The following CHSY3 variants were observed in gnomAD, a reference collection of about 807,000 sequenced individuals.
CHSY3 encodes the protein chondroitin sulfate synthase 3, also known as N-acetylgalactosaminyl-proteoglycan 3-beta-glucuronosyltransferase 3.
A neutral mutation model predicts 67.2 loss-of-function variants in CHSY3; 35 were observed. That is an observed-to-expected ratio of 0.52 (90% confidence interval 0.40 to 0.69). The LOEUF (loss-of-function observed/expected upper bound fraction) is 0.69. Ranked by LOEUF, CHSY3 falls within the 30% of genes least tolerant of loss-of-function variation. The probability of loss-of-function intolerance (pLI) is 0.00; values close to 1 mark genes in which losing one functional copy is unlikely to be tolerated. For missense variants in CHSY3, 1,069 were observed against 1,138.5 expected (o/e 0.94, Z 0.88); for synonymous variants, 474 against 434.7 (o/e 1.09, Z -1.12).
chr5:130,048,414 CTA>C (rs1449707091), intron 2 of CHSY3, among the ~76,000 whole-genome samples: 2 of 151,942 alleles, frequency 1.3e-5, no homozygotes, highest in African/African-American at 4.8e-5. Flanking sequence ...TAGTTTGAAA[CTA>C]TGATTTTCAG....
At chr5:129,989,916 A>G (rs1763310987) in intron 2 of CHSY3, among the ~76,000 whole-genome samples, 1 of 152,186 alleles carries the variant, frequency 6.6e-6, no homozygotes, top group Non-Finnish European at 1.5e-5. Flanking sequence ...ATTGTGTCAT[A>G]CAAGCAATAT....
chr5:130,025,788 T>G (rs1764523984), intron 2 of CHSY3, among the ~76,000 whole-genome samples: 1 of 151,960 alleles, frequency 6.6e-6, no homozygotes, highest in Non-Finnish European at 1.5e-5. Context: ...TGACCTAATC[T>G]CCTCTCAAAG....
At chr5:130,006,368 G>C in intron 2 of CHSY3, among the ~76,000 whole-genome samples, 1 of 152,136 alleles carries the variant, frequency 6.6e-6, no homozygotes, top group Non-Finnish European at 1.5e-5. Context: ...TCAGGCTAAA[G>C]TGTTTGTATT....
chr5:130,113,852 C>T lies in CHSY3; in HGVS notation c.1087-70377C>T, dbSNP rs146350652. ...TCCAAAAATACTGCTACAAACCAGG[C>T]GACTGCTAAAACTTCTATTAGTGGA... On this transcript the variant is annotated intron_variant, in intron 2 of 2. Transcript: ENST00000305031. 2.1e-3 allele frequency among the ~76,000 whole-genome samples: 316 copies of T among 152,152 alleles called. 1 individual carries two copies. Among genetic ancestry groups the T allele is most frequent in the African/African-American group, 6.8e-3 (283 of 41,522 alleles).
At chr5:130,024,177 C>A (rs997080892) in intron 2 of CHSY3, among the ~76,000 whole-genome samples, 1 of 144,662 alleles carries the variant, frequency 6.9e-6, no homozygotes, top group Admixed American at 6.9e-5. Flanking sequence ...TTTTTAAGGG[C>A]TTTCTCCTTG....
At chr5:130,161,781 G>A (rs1190243796) in intron 2 of CHSY3, among the ~76,000 whole-genome samples, 5 of 152,142 alleles carry the variant, frequency 3.3e-5, no homozygotes, top group African/African-American at 1.2e-4. Context: ...GGTCACACCT[G>A]TAATCCTAGC....
At chr5:129,975,683 G>A (rs1435773667) in intron 2 of CHSY3, among the ~76,000 whole-genome samples, 3 of 151,984 alleles carry the variant, frequency 2.0e-5, no homozygotes, top group Admixed American at 1.3e-4. Flanking sequence ...TGTGTTCCAC[G>A]TATTCAGGAT....
At chr5:130,164,494 A>G (rs1396913967) in intron 2 of CHSY3, among the ~76,000 whole-genome samples, 3 of 152,168 alleles carry the variant, frequency 2.0e-5, no homozygotes, top group African/African-American at 4.8e-5. Context: ...TATATGTTTT[A>G]TTCAATTTCA....
At chr5:129,986,422 A>G (rs534516047) in intron 2 of CHSY3, among the ~76,000 whole-genome samples, 1 of 151,924 alleles carries the variant, frequency 6.6e-6, no homozygotes, top group South Asian at 2.1e-4. Context: ...CCTGGATTCT[A>G]TTTGCAATTA....
intron 2 of CHSY3, among the ~76,000 whole-genome samples, chr5:130,011,974 A>T (rs183266886): frequency 6.6e-5 from 10 of 152,338 alleles, no homozygotes; most frequent in African/African-American, 2.4e-4. Flanking sequence ...ACACAAATAA[A>T]TGGAAAAACA....
At chr5:130,167,236 A>T (rs1769774050) in intron 2 of CHSY3, among the ~76,000 whole-genome samples, 1 of 152,126 alleles carries the variant, frequency 6.6e-6, no homozygotes, top group African/African-American at 2.4e-5. Context: ...GTACTGGAAG[A>T]CATTAGAGGG....
At chr5:129,983,156 G>A (rs1047384090) in intron 2 of CHSY3, among the ~76,000 whole-genome samples, 3 of 151,962 alleles carry the variant, frequency 2.0e-5, no homozygotes, top group Non-Finnish European at 4.4e-5. Flanking sequence ...TATAATTGAC[G>A]ATGTTTGTGT....
At chr5:130,111,980 A>T (rs981388381) in intron 2 of CHSY3, among the ~76,000 whole-genome samples, 2 of 152,106 alleles carry the variant, frequency 1.3e-5, no homozygotes, top group African/African-American at 4.8e-5. Context: ...ATCCCCATTT[A>T]CAGAAAAGAA....
chr5:130,077,796 T>C (rs924229184), intron 2 of CHSY3, among the ~76,000 whole-genome samples: 5 of 151,830 alleles, frequency 3.3e-5, no homozygotes, highest in Non-Finnish European at 7.4e-5. Context: ...CATATATATG[T>C]GTGTATATAT....
chr5:129,999,120 CT>C (rs1212348945), intron 2 of CHSY3, among the ~76,000 whole-genome samples: 1 of 127,946 alleles, frequency 7.8e-6, no homozygotes, highest in Non-Finnish European at 1.7e-5. Context: ...TAGCTCCCCC[CT>C]CCCTTTTTTT....
Position 129,904,561 on chromosome 5 carries a change from TGCCGCCACCGCCGCCGCC to T in CHSY3, c.-267_-250del. On this transcript the variant is annotated 5_prime_UTR_variant, in exon 1 of 3. Transcript: ENST00000305031. The stretch of plus-strand genomic sequence containing the variant: ...CTCCAGCTGCCGCTGCTGCCGCCGC[TGCCGCCACCGCCGCCGCC>T]GGGAGAAGTTTCACTCCCGACCCTT... 2.5e-6 allele frequency: 1 copy of T among 395,292 alleles called. No homozygotes were observed. The highest frequency in any genetic ancestry group is 4.1e-6 in the Non-Finnish European group (1 of 244,542). The allele number at this position is 395,292 out of a possible 1,614,324, so 24.5% of individuals were successfully genotyped here.
intron 2 of CHSY3, among the ~76,000 whole-genome samples, chr5:130,045,251 A>G (rs1765111756): frequency 6.6e-6 from 1 of 152,136 alleles, no homozygotes; most frequent in Admixed American, 6.6e-5. Context: ...CACAGAGTGT[A>G]AAAGAAAATT....
At chr5:129,984,336 C>T (rs771387342) in intron 2 of CHSY3, among the ~76,000 whole-genome samples, 5 of 152,088 alleles carry the variant, frequency 3.3e-5, no homozygotes, top group Non-Finnish European at 7.4e-5. Context: ...CAGCTCCATC[C>T]ATGTTGCTGC....
At chr5:130,150,660 C>T (rs1167813095) in intron 2 of CHSY3, among the ~76,000 whole-genome samples, 1 of 152,144 alleles carries the variant, frequency 6.6e-6, no homozygotes, top group Non-Finnish European at 1.5e-5. Context: ...GCTAAGAGTA[C>T]TGTAAACTTT....
Sources: allele counts gnomAD v4.1 joint callset (sites outside exome capture counted in the v4.1 genomes callset), GRCh38; gene constraint gnomAD v4.1.1; transcripts MANE v1.5; gene names NCBI Gene and HGNC (gene_info 2026-07-23, HGNC 2026-07-21).